Variants in ELF4 observed in about 807,000 individuals in gnomAD.
ELF4 encodes E74 like ETS transcription factor 4.
A neutral mutation model predicts 31.7 loss-of-function variants in ELF4; 10 were observed. The ratio of observed to expected loss-of-function variants is 0.32; its 90% CI spans 0.19 to 0.54. The LOEUF is 0.54. Among genes scored for constraint, ELF4 ranks in the 20% least tolerant of loss-of-function variants. The pLI is 0.95. For synonymous variants in ELF4, 208 were observed against 226.7 expected (o/e 0.92, Z 0.74); for missense variants, 418 against 522.0 (o/e 0.80, Z 1.94).
Position 130,081,294 on chromosome X carries a change from C to A in ELF4, c.37G>T (p.Glu13Ter), listed in dbSNP as rs375013154. 12 of 1,210,824 alleles carry A rather than the reference C, an allele frequency of 9.9e-6. No homozygotes were observed. The highest frequency in any genetic ancestry group is 1.3e-5 in the Non-Finnish European group (12 of 895,456). The stretch of plus-strand genomic sequence containing the variant: ...TCATCCATCCCGTTGCTTGCGAACT[C>A]AAAGATCAGGTCACTGGGCTGTAGG... The part of the protein sequence containing the change: ...ITLQPSDLIF[E>*]FASNGMDDDI... The change falls in exon 2 of 9, where the codon GAG (glutamate) becomes TAG (stop). Residue 13 changes from glutamate to a stop codon, truncating the protein, a stop_gained. Transcript: ENST00000308167. LOFTEE classifies it high-confidence loss of function.
chrX:130,085,468 A>G (rs1017689144), intron 1 of ELF4, among the ~76,000 whole-genome samples: 1 of 111,853 alleles, frequency 8.9e-6, no homozygotes, highest in African/African-American at 3.2e-5. Flanking sequence ...TCACTGAAAC[A>G]TACCAAGCAG....
intron 1 of ELF4, among the ~76,000 whole-genome samples, chrX:130,089,107 T>C (rs1221418428): frequency 9.0e-6 from 1 of 111,003 alleles, no homozygotes. Flanking sequence ...GAAGACAGCC[T>C]ACCAGGGCCT....
chrX:130,104,246 T>C (rs1569410904), intron 1 of ELF4, among the ~76,000 whole-genome samples: 1 of 106,540 alleles, frequency 9.4e-6, no homozygotes. Context: ...GTTTTGCTCT[T>C]CACTACAGCA....
chrX:130,084,405 C>A (rs1482167104), intron 1 of ELF4, among the ~76,000 whole-genome samples: 1 of 112,450 alleles, frequency 8.9e-6, no homozygotes, highest in Admixed American at 9.4e-5. Context: ...GGGAGGGAGG[C>A]AGCCAGGGCC....
chrX:130,102,664 A>T (rs1033469958), intron 1 of ELF4, among the ~76,000 whole-genome samples: 51 of 108,195 alleles, frequency 4.7e-4, no homozygotes, highest in African/African-American at 7.1e-4. Flanking sequence ...AAAAAAATTT[A>T]AAATTAGCTG....
At chrX:130,083,873 T>TGG (rs60978224) in intron 1 of ELF4, among the ~76,000 whole-genome samples, 6 of 110,105 alleles carry the variant, frequency 5.4e-5, no homozygotes, top group African/African-American at 9.9e-5. Flanking sequence ...GATGGATGGA[T>TGG]AGATTGGTGG....
chrX:130,099,175 G>A (rs1569409622), intron 1 of ELF4, among the ~76,000 whole-genome samples: 1 of 112,086 alleles, frequency 8.9e-6, no homozygotes, highest in Non-Finnish European at 1.9e-5. Context: ...CAGGGCTCTC[G>A]CAGCCTCGGG....
Position 130,065,494 on chromosome X carries a change from C to A in ELF4, c.*1227G>T, listed in dbSNP as rs1239528488. The A allele has an allele frequency of 4.0e-5, 7 of 174,382 alleles. No homozygotes were observed. Among genetic ancestry groups the A allele is most frequent in the Non-Finnish European group, 7.7e-5 (7 of 91,438 alleles). The allele number at this position is 174,382 out of a possible 1,213,427, so 14.4% of individuals were successfully genotyped here. On this transcript the variant is annotated 3_prime_UTR_variant, in exon 9 of 9. Coordinates refer to ENST00000308167, the MANE Select transcript of ELF4 (RefSeq NM_001421.4). ...GGGGCATTGGTACACCCAAGGAGGTCTGCTGCAGTCATCACAGAGGCAGGC... is the reference window on the plus strand; with the variant it reads ...GGGGCATTGGTACACCCAAGGAGGTATGCTGCAGTCATCACAGAGGCAGGC...
intron 1 of ELF4, among the ~76,000 whole-genome samples, chrX:130,086,994 G>A (rs926440150): frequency 2.7e-5 from 3 of 112,454 alleles, no homozygotes; most frequent in African/African-American, 9.7e-5. Context: ...ACTTTGGGTT[G>A]TGGTTATGTG....
At chrX:130,071,474 G>A (rs1932787681) in intron 5 of ELF4, 55 bp from the exon 6 acceptor site, 1 of 1,141,964 alleles carries the variant, frequency 8.8e-7, no homozygotes, top group African/African-American at 1.8e-5. Context: ...GGGCCCGGGA[G>A]CTGGCCAAGT....
rs1028644908 is a variant in ELF4 at position 130,072,090 on chromosome X, A to G, written c.532+136T>C. 1.3e-5 allele frequency: 10 copies of G among 742,674 alleles called. No homozygotes were observed. In the African/African-American group the frequency reaches 2.1e-4, roughly 16 times the overall value. The allele number at this position is 742,674 out of a possible 1,213,427, so 61.2% of individuals were successfully genotyped here. On this transcript the variant is annotated intron_variant, in intron 5 of 8. Transcript: ENST00000308167. ...AGACTAACGGATGAGGCCAGGTTTT[A>G]CAGAAGGGAGGCCTTTTGGTCCATC...
In ELF4 at chrX:130,069,692, G is replaced by T. The variant is rs778787596; in HGVS notation, c.810-15C>A. Reference sequence around the variant, plus strand: ...GGTAGTAGTATCTAGAGGAAGAGGGGCAGGGAGTTGGGAGTTAGCCGGGAG... The same window carrying T: ...GGTAGTAGTATCTAGAGGAAGAGGGTCAGGGAGTTGGGAGTTAGCCGGGAG... On this transcript the variant is annotated splice_polypyrimidine_tract_variant and intron_variant, in intron 7 of 8. Transcript: ENST00000308167. 9.1e-6 allele frequency: 11 copies of T among 1,210,493 alleles called. No individual in the cohort carries two copies. The Admixed American group carries it at 2.2e-4, about 24-fold the overall frequency.
At chrX:130,076,326 C>T (rs1328092240) in intron 2 of ELF4, among the ~76,000 whole-genome samples, 5 of 110,894 alleles carry the variant, frequency 4.5e-5, no homozygotes, top group Non-Finnish European at 9.5e-5. Context: ...GGAGTTCACA[C>T]ACCAGCCTGG....
chrX:130,110,573 C>T (rs1933467586), upstream of ELF4: 1 of 109,214 alleles, frequency 9.2e-6, no homozygotes, highest in Non-Finnish European at 1.9e-5. Flanking sequence ...CCCGCCCGCC[C>T]TTCTTCCCCG....
chrX:130,089,816 C>T lies in ELF4; in HGVS notation c.-209-8277G>A, dbSNP rs773891892. Among the ~76,000 whole-genome samples, 22 of 112,664 alleles carry T rather than the reference C, an allele frequency of 2.0e-4. No homozygotes were observed. In the South Asian group the frequency reaches 5.4e-3, roughly 28 times the overall value. The stretch of plus-strand genomic sequence containing the variant: ...GGGCTGGCCAATAACAATGAAGCCA[C>T]GGCTGGGCGTGGTGGCTCATGCTTG... On this transcript the variant is annotated intron_variant, in intron 1 of 8. Transcript: ENST00000308167.
chrX:130,106,828 G>A (rs960203844), intron 1 of ELF4, among the ~76,000 whole-genome samples: 1 of 111,571 alleles, frequency 9.0e-6, no homozygotes, highest in Non-Finnish European at 1.9e-5. Context: ...CAGCTCGGTG[G>A]GAGATCCTGG....
At position 130,078,760 on chromosome X, in the gene ELF4, T is replaced by TACA. The variant is rs1400014183; in HGVS notation, c.75+2495_75+2496insTGT. Among the ~76,000 whole-genome samples the TACA allele has an allele frequency of 9.9e-3, 758 of 76,318 alleles. 10 individuals carry two copies. Among genetic ancestry groups the TACA allele is most frequent in the Non-Finnish European group, 0.015 (602 of 39,835 alleles). The allele number at this position is 76,318 out of a possible 115,157, so 66.3% of individuals were successfully genotyped here. On this transcript the variant is annotated intron_variant, in intron 2 of 8. Transcript: ENST00000308167. ...CAACAAGAGCAAAACTCTCTCTCTC[T>TACA]CTACACACACACACACACACACACA...
chrX:130,094,042 G>A (rs1455925194), intron 1 of ELF4, among the ~76,000 whole-genome samples: 1 of 111,278 alleles, frequency 9.0e-6, no homozygotes, highest in African/African-American at 3.3e-5. Flanking sequence ...GACCAGCCTG[G>A]CCAACATGGA....
At chrX:130,103,773 G>A (rs1310901249) in intron 1 of ELF4, among the ~76,000 whole-genome samples, 1 of 112,419 alleles carries the variant, frequency 8.9e-6, no homozygotes, top group Non-Finnish European at 1.9e-5. Flanking sequence ...ACTGAGTGGA[G>A]TGCTTTACTC....
Sources: allele counts gnomAD v4.1 joint callset (sites outside exome capture counted in the v4.1 genomes callset), GRCh38; gene constraint gnomAD v4.1.1; transcripts MANE v1.5; gene names NCBI Gene and HGNC (gene_info 2026-07-23, HGNC 2026-07-21).